CDC73: variants seen among roughly 807,000 people sequenced by gnomAD.
CDC73 encodes the protein cell division cycle 73.
In CDC73, 21 loss-of-function variants were observed where a neutral mutation model predicts 83.7. That is an observed-to-expected ratio of 0.25 (90% CI 0.18 to 0.36). The LOEUF is 0.36. CDC73 is among the 10% of genes least tolerant of loss of function. The pLI is 1.00. For synonymous variants in CDC73, 224 were observed against 212.9 expected (o/e 1.05, Z -0.45); for missense variants, 342 against 653.3 (o/e 0.52, Z 5.19).
At chr1:193,122,532 C>T in intron 1 of CDC73, 1 of 598,830 alleles carries the variant, frequency 1.7e-6, no homozygotes, top group South Asian at 1.9e-5. Context: ...CAGTTCATCA[C>T]TTAAAATTTT....
At chr1:193,133,566 G>T (rs1572148930) in intron 3 of CDC73, among the ~76,000 whole-genome samples, 1 of 152,116 alleles carries the variant, frequency 6.6e-6, no homozygotes, top group Admixed American at 6.5e-5. Flanking sequence ...TATCTGTTAG[G>T]TTAGAAATCT....
At chr1:193,180,604 G>GA in intron 10 of CDC73, 3 of 1,614,060 alleles carry the variant, frequency 1.9e-6, no homozygotes, top group Non-Finnish European at 2.5e-6. Context: ...CAGATCTCCA[G>GA]AAAAAACATA....
intron 10 of CDC73, among the ~76,000 whole-genome samples, chr1:193,162,546 G>T (rs1027105009): frequency 6.6e-6 from 1 of 151,108 alleles, no homozygotes; most frequent in African/African-American, 2.4e-5. Flanking sequence ...GCAATTTTTT[G>T]TATTTTTAGT....
At position 193,203,786 on chromosome 1, in the gene CDC73, C is replaced by G. The variant is rs377332359; in HGVS notation, c.973-9C>G. On this transcript the variant is annotated splice_polypyrimidine_tract_variant and intron_variant, in intron 10 of 16. Coordinates refer to ENST00000367435, the MANE Select transcript of CDC73 (RefSeq NM_024529.5). Reference sequence around the variant, plus strand: ...TTGATCTTATATATCAATTCTTATTCTTTTAAAGGAGGGTGCATCTGCCCG... The same window carrying G: ...TTGATCTTATATATCAATTCTTATTGTTTTAAAGGAGGGTGCATCTGCCCG... 1 of 1,606,798 alleles carries G rather than the reference C, an allele frequency of 6.2e-7. No individual in the cohort carries two copies. Among genetic ancestry groups the G allele is most frequent in the Non-Finnish European group, 8.5e-7 (1 of 1,173,522 alleles).
At chr1:193,133,854 G>T (rs1212982446) in intron 3 of CDC73, among the ~76,000 whole-genome samples, 1 of 151,416 alleles carries the variant, frequency 6.6e-6, no homozygotes, top group African/African-American at 2.4e-5. Context: ...CATGAAAAAT[G>T]CTTAATATCA....
At chr1:193,184,326 A>G (rs973471621) in intron 10 of CDC73, among the ~76,000 whole-genome samples, 4 of 151,942 alleles carry the variant, frequency 2.6e-5, no homozygotes, top group African/African-American at 7.2e-5. Flanking sequence ...CCTGCTTTTT[A>G]TTAAATGATA....
chr1:193,184,016 G>A (rs1191023860), intron 10 of CDC73, among the ~76,000 whole-genome samples: 1 of 151,714 alleles, frequency 6.6e-6, no homozygotes, highest in Non-Finnish European at 1.5e-5. Flanking sequence ...TGTCTCTAAA[G>A]TATTTTAGTA....
At chr1:193,163,151 TTG>T (rs57194967) in intron 10 of CDC73, among the ~76,000 whole-genome samples, 6,129 of 39,654 alleles carry the variant, frequency 0.15, 396 homozygotes, top group African/African-American at 0.26. Flanking sequence ...CTTTGTGGGG[TTG>T]TGTGTGTGTG....
intron 7 of CDC73, among the ~76,000 whole-genome samples, chr1:193,144,594 G>T (rs528063397): frequency 6.6e-6 from 1 of 152,100 alleles, no homozygotes; most frequent in Non-Finnish European, 1.5e-5. Context: ...CTTTACTCAC[G>T]AATGTCCTTG....
At chr1:193,125,614 T>A (rs1675555024) in intron 2 of CDC73, among the ~76,000 whole-genome samples, 1 of 152,046 alleles carries the variant, frequency 6.6e-6, no homozygotes, top group Non-Finnish European at 1.5e-5. Context: ...TCTGGCTCTG[T>A]TGCCTAAGCT....
At chr1:193,163,428 G>A (rs1676377095) in intron 10 of CDC73, among the ~76,000 whole-genome samples, 1 of 151,972 alleles carries the variant, frequency 6.6e-6, no homozygotes, top group African/African-American at 2.4e-5. Flanking sequence ...GATTGATTAA[G>A]CCCAGGAGGT....
chr1:193,217,840 C>T (rs1280061493), intron 13 of CDC73, among the ~76,000 whole-genome samples: 1 of 152,146 alleles, frequency 6.6e-6, no homozygotes, highest in African/African-American at 2.4e-5. Context: ...TTCCCCCATT[C>T]CATATCATTT....
At chr1:193,217,302 C>G (rs571377557) in intron 13 of CDC73, among the ~76,000 whole-genome samples, 2 of 152,236 alleles carry the variant, frequency 1.3e-5, no homozygotes, top group East Asian at 3.9e-4. Flanking sequence ...CTTGTGTTAA[C>G]CAGCTCAGAC....
chr1:193,155,452 A>G (rs567737474), intron 10 of CDC73, among the ~76,000 whole-genome samples: 1 of 152,066 alleles, frequency 6.6e-6, no homozygotes, highest in African/African-American at 2.4e-5. Flanking sequence ...TTTTCCCCCA[A>G]ATTTGTTGCT....
chr1:193,213,696 T>C (rs1677314794), intron 13 of CDC73, among the ~76,000 whole-genome samples: 1 of 152,206 alleles, frequency 6.6e-6, no homozygotes, highest in South Asian at 2.1e-4. Flanking sequence ...TACCTGATTA[T>C]TTAATTTTGG....
intron 13 of CDC73, 90 bp from the exon 14 acceptor site, chr1:193,232,903 A>C: frequency 5.3e-6 from 2 of 376,498 alleles, no homozygotes; most frequent in East Asian, 8.4e-5. Flanking sequence ...ACTCTGTCTC[A>C]AAAAAAAAAA....
At chr1:193,126,737 TTTC>T (rs1675581584) in intron 2 of CDC73, among the ~76,000 whole-genome samples, 1 of 152,178 alleles carries the variant, frequency 6.6e-6, no homozygotes, top group African/African-American at 2.4e-5. Flanking sequence ...CTTTTTCCCA[TTTC>T]TTATAGTTCT....
At chr1:193,141,549 A>G (rs552583675) in intron 6 of CDC73, among the ~76,000 whole-genome samples, 1 of 152,326 alleles carries the variant, frequency 6.6e-6, no homozygotes, top group East Asian at 1.9e-4. Flanking sequence ...AAATATAAAG[A>G]AAAGCACCTA....
chr1:193,181,699 CA>C lies in CDC73; in HGVS notation c.973-22092del, dbSNP rs1490941119. 5 of 819,588 alleles carry C rather than the reference CA, an allele frequency of 6.1e-6. No individual in the cohort carries two copies. In the African/African-American group the frequency reaches 7.0e-5, roughly 11 times the overall value. 50.8% of individuals were successfully genotyped at this position (819,588 alleles called of 1,614,324 possible). The stretch of plus-strand genomic sequence containing the variant: ...GTAGTCATTCTATAAAAATGAAGCA[CA>C]AAAGTTTACAGAACTGCCTGAAAGG... On this transcript the variant is annotated intron_variant, in intron 10 of 16. Transcript: ENST00000367435.
Sources: gnomAD v4.1 joint callset for allele counts (sites outside exome capture counted in the v4.1 genomes callset) on GRCh38, gnomAD v4.1.1 for gene constraint, MANE v1.5 for transcripts, NCBI Gene and HGNC (gene_info 2026-07-23, HGNC 2026-07-21) for gene names.